The following LRRC4C variants were observed in gnomAD, a reference collection of about 807,000 sequenced individuals.
LRRC4C encodes the protein leucine rich repeat containing 4C, also known as leucine-rich repeat-containing protein 4C.
Under a neutral mutation model 33.6 loss-of-function variants are expected in LRRC4C, and 5 were observed. The observed-to-expected ratio is 0.15, with a 90% confidence interval of 0.08 to 0.31. The LOEUF (loss-of-function observed/expected upper bound fraction) is 0.31. LRRC4C is among the 10% of genes least tolerant of loss of function. LRRC4C has a pLI of 1.00. For missense variants in LRRC4C, 560 were observed against 796.7 expected (o/e 0.70, Z 3.58); for synonymous variants, 329 against 302.0 (o/e 1.09, Z -0.93).
chr11:40,336,946 C>T lies in LRRC4C; in HGVS notation c.-269-17225G>A, dbSNP rs931719314. Among the ~76,000 whole-genome samples the T allele has an allele frequency of 1.6e-4, 19 of 119,720 alleles. No homozygotes were observed. The Admixed American group carries it at 1.8e-3, about 12-fold the overall frequency. The allele number at this position is 119,720 out of a possible 152,430, so 78.5% of individuals were successfully genotyped here. A position where few individuals can be genotyped will look rare whatever the true frequency, so the allele number is the denominator to read the frequency against. On this transcript the variant is annotated intron_variant, in intron 3 of 6. Transcript: ENST00000528697. ...GAGCCGAGATTGCACCACTGCACTC[C>T]AGCCTGGGGGACAGAGCGAGACTTC...
chr11:40,725,284 A>G (rs897147342), intron 2 of LRRC4C, among the ~76,000 whole-genome samples: 3 of 152,180 alleles, frequency 2.0e-5, no homozygotes, highest in Non-Finnish European at 2.9e-5. Context: ...AGGCAGGTGG[A>G]TCACGAGGTC....
intron 2 of LRRC4C, among the ~76,000 whole-genome samples, chr11:40,753,928 A>G (rs888276335): frequency 2.0e-5 from 3 of 151,958 alleles, no homozygotes; most frequent in African/African-American, 7.3e-5. Flanking sequence ...AAGATAAAAA[A>G]TATGTGTGTA....
chr11:40,735,741 T>G (rs1212061897), intron 2 of LRRC4C, among the ~76,000 whole-genome samples: 1 of 149,416 alleles, frequency 6.7e-6, no homozygotes. Context: ...CGCACTGACT[T>G]CCACAATGGT....
intron 1 of LRRC4C, among the ~76,000 whole-genome samples, chr11:41,186,802 A>G (rs1945712518): frequency 6.6e-6 from 1 of 152,182 alleles, no homozygotes; most frequent in Non-Finnish European, 1.5e-5. Flanking sequence ...TTCTTTCAAG[A>G]CATTTTGATA....
chr11:40,144,842 T>C (rs1381984091), intron 5 of LRRC4C, among the ~76,000 whole-genome samples: 2 of 152,202 alleles, frequency 1.3e-5, no homozygotes, highest in East Asian at 3.9e-4. Flanking sequence ...TAACACAAGG[T>C]AAACAGGAGG....
chr11:40,226,157 G>A (rs1864778113), intron 5 of LRRC4C, among the ~76,000 whole-genome samples: 1 of 152,168 alleles, frequency 6.6e-6, no homozygotes, highest in Non-Finnish European at 1.5e-5. Context: ...AGTTAGTAAG[G>A]AGAATACCAA....
intron 1 of LRRC4C, among the ~76,000 whole-genome samples, chr11:41,171,930 A>G (rs1266542524): frequency 6.6e-6 from 1 of 151,996 alleles, no homozygotes; most frequent in African/African-American, 2.4e-5. Flanking sequence ...ACGGCATCTC[A>G]CCTCATTATG....
intron 5 of LRRC4C, among the ~76,000 whole-genome samples, chr11:40,170,439 A>G (rs1227815270): frequency 1.3e-5 from 2 of 152,186 alleles, no homozygotes; most frequent in East Asian, 1.9e-4. Context: ...GGTGAAAGTA[A>G]GATACTCACT....
At chr11:40,965,104 C>T (rs1327016872) in intron 1 of LRRC4C, among the ~76,000 whole-genome samples, 1 of 152,114 alleles carries the variant, frequency 6.6e-6, no homozygotes, top group Non-Finnish European at 1.5e-5. Flanking sequence ...TTTTGATTTG[C>T]ATTTCTCTGA....
At chr11:41,193,344 A>G (rs991866158) in intron 1 of LRRC4C, among the ~76,000 whole-genome samples, 18 of 152,142 alleles carry the variant, frequency 1.2e-4, no homozygotes, top group Non-Finnish European at 2.2e-4. Context: ...AGATGAGAGC[A>G]TTGTAAAGAC....
intron 3 of LRRC4C, among the ~76,000 whole-genome samples, chr11:40,392,543 G>A (rs908295619): frequency 2.0e-4 from 31 of 151,916 alleles, no homozygotes; most frequent in African/African-American, 6.8e-4. Flanking sequence ...AAAAATTAAA[G>A]ATGTCAACCA....
Position 40,363,090 on chromosome 11 carries a change from T to C in LRRC4C, c.-269-43369A>G, listed in dbSNP as rs937191418. Among the ~76,000 whole-genome samples the C allele has an allele frequency of 2.0e-5, 3 of 152,136 alleles. No homozygotes were observed. The East Asian group carries it at 5.8e-4, about 29-fold the overall frequency. ...TAAAGGAATATAAATTGTTCTCTTA[T>C]AAGGACACATGCATGCATATGTTCA... On this transcript the variant is annotated intron_variant, in intron 3 of 6. Transcript: ENST00000528697.
chr11:40,823,297 C>A (rs1952019203), intron 2 of LRRC4C, among the ~76,000 whole-genome samples: 2 of 151,524 alleles, frequency 1.3e-5, no homozygotes, highest in East Asian at 1.9e-4. Flanking sequence ...GATACAGAAT[C>A]AAAAGCCCAA....
At chr11:40,492,737 A>G (rs1203995295) in intron 3 of LRRC4C, among the ~76,000 whole-genome samples, 1 of 152,144 alleles carries the variant, frequency 6.6e-6, no homozygotes, top group Non-Finnish European at 1.5e-5. Context: ...GAGGATATCT[A>G]AAAGTGAGAC....
chr11:40,964,177 C>A (rs1851168433), intron 1 of LRRC4C, among the ~76,000 whole-genome samples: 1 of 151,554 alleles, frequency 6.6e-6, no homozygotes, highest in South Asian at 2.1e-4. Flanking sequence ...ACAGGTGAAA[C>A]CCTTGCAACA....
In LRRC4C at chr11:40,880,911, T is replaced by C. The variant is rs187252920; in HGVS notation, c.-407+52724A>G. The stretch of plus-strand genomic sequence containing the variant: ...TACACATATATTTTTCTTTTTCAAA[T>C]CAAGGAGCCCTGAATTCTACCACAT... On this transcript the variant is annotated intron_variant, in intron 2 of 6. Coordinates refer to ENST00000528697, the MANE Select transcript of LRRC4C (RefSeq NM_001258419.2). 2.6e-3 allele frequency among the ~76,000 whole-genome samples: 390 copies of C among 151,248 alleles called. 2 individuals carry two copies. The highest frequency in any genetic ancestry group is 9.0e-3 in the African/African-American group (374 of 41,374).
intron 6 of LRRC4C, among the ~76,000 whole-genome samples, chr11:40,120,023 G>C (rs991364109): frequency 3.3e-5 from 5 of 152,122 alleles, no homozygotes; most frequent in African/African-American, 1.2e-4. Context: ...CCACAATAAA[G>C]GCTCTTGCCC....
intron 3 of LRRC4C, among the ~76,000 whole-genome samples, chr11:40,544,583 G>A (rs1299769047): frequency 6.6e-6 from 1 of 152,082 alleles, no homozygotes; most frequent in East Asian, 1.9e-4. Flanking sequence ...ACTTGGCATT[G>A]TATATCTTCA....
At chr11:41,253,613 C>G (rs1023308285) in intron 1 of LRRC4C, among the ~76,000 whole-genome samples, 2 of 152,128 alleles carry the variant, frequency 1.3e-5, no homozygotes, top group African/African-American at 2.4e-5. Context: ...GTACATAACA[C>G]TAACCAAGTC....
Sources: gnomAD v4.1 joint callset for allele counts (sites outside exome capture counted in the v4.1 genomes callset) on GRCh38, gnomAD v4.1.1 for gene constraint, MANE v1.5 for transcripts, NCBI Gene and HGNC (gene_info 2026-07-23, HGNC 2026-07-21) for gene names.